The following PCDHA2 variants were observed in gnomAD, a reference collection of about 807,000 sequenced individuals.
PCDHA2 encodes protocadherin alpha-2.
In PCDHA2, 58 loss-of-function variants were observed where a neutral mutation model predicts 66.0. The ratio of observed to expected loss-of-function variants is 0.88; its 90% confidence interval spans 0.71 to 1.09. The LOEUF is 1.09. PCDHA2 is among the 50% of genes least tolerant of loss of function. The probability of loss-of-function intolerance (pLI) is 0.00; values close to 1 mark genes in which losing one functional copy is unlikely to be tolerated. For missense variants in PCDHA2, 1,267 were observed against 1,242.3 expected, an observed-to-expected ratio of 1.02 and a Z score of -0.30; for synonymous variants, 634 against 554.0, an observed-to-expected ratio of 1.14 and a Z score of -2.03.
chr5:140,950,110 C>A (rs542585854), intron 1 of PCDHA2, among the ~76,000 whole-genome samples: 23 of 151,848 alleles, frequency 1.5e-4, no homozygotes, highest in African/African-American at 5.5e-4. Context: ...AAATCTCATA[C>A]AATACAAAAC....
chr5:140,882,510 A>G (rs1276139359), intron 1 of PCDHA2: 1 of 1,614,046 alleles, frequency 6.2e-7, no homozygotes, highest in East Asian at 2.2e-5. Context: ...AATCTGCAGA[A>G]TGGCATTTTG....
At chr5:140,851,809 T>TA in intron 1 of PCDHA2, 1 of 948,344 alleles carries the variant, frequency 1.1e-6, no homozygotes, top group Non-Finnish European at 1.3e-6. Flanking sequence ...CAGTAATCCA[T>TA]AAGACAGAAA....
chr5:140,801,381 C>G (rs782738715), intron 1 of PCDHA2: 1 of 1,613,546 alleles, frequency 6.2e-7, no homozygotes, highest in South Asian at 1.1e-5. Context: ...GCTGGTGCCG[C>G]GCCTGTTCCG....
chr5:140,862,618 C>A (rs532330556), intron 1 of PCDHA2: 10 of 526,556 alleles, frequency 1.9e-5, no homozygotes, highest in South Asian at 1.3e-4. Flanking sequence ...AGGTAACAAC[C>A]CGCGGGGCTG....
Position 140,803,100 on chromosome 5 carries a change from C to G in PCDHA2, c.2388+5748C>G, listed in dbSNP as rs139788338. On this transcript the variant is annotated intron_variant, in intron 1 of 3. Transcript: ENST00000526136. ...GTACACGGGAGAGATCAGCACGACC[C>G]GTGCCCTGGACGAGGTGGACGCCCC... 714 of 1,613,874 alleles carry G rather than the reference C, an allele frequency of 4.4e-4. No homozygotes were observed. Among genetic ancestry groups the G allele is most frequent in the Non-Finnish European group, 5.8e-4 (686 of 1,179,944 alleles).
At chr5:141,006,077 T>C (rs1554260547) in intron 3 of PCDHA2, among the ~76,000 whole-genome samples, 1 of 150,908 alleles carries the variant, frequency 6.6e-6, no homozygotes, top group East Asian at 1.9e-4. Flanking sequence ...ATCAGATTAT[T>C]GAAGGGACTT....
At chr5:140,927,848 G>C (rs1295513512) in intron 1 of PCDHA2, 1 of 1,614,180 alleles carries the variant, frequency 6.2e-7, no homozygotes, top group African/African-American at 1.3e-5. Flanking sequence ...GGTGTCTTTG[G>C]TTTAGCTAGC....
intron 3 of PCDHA2, among the ~76,000 whole-genome samples, chr5:140,999,024 T>C (rs17119348): frequency 0.023 from 3,497 of 152,332 alleles, 138 homozygotes; most frequent in African/African-American, 0.08. Context: ...CCAAGACTTT[T>C]GATACTTCGT....
chr5:140,816,605 A>T (rs1765956061), intron 1 of PCDHA2: 1 of 151,984 alleles, frequency 6.6e-6, no homozygotes, highest in African/African-American at 2.4e-5. Context: ...TGATATCTAT[A>T]CATTTCAAAA....
chr5:140,986,634 A>C (rs1587175680), intron 3 of PCDHA2, among the ~76,000 whole-genome samples: 3 of 152,202 alleles, frequency 2.0e-5, no homozygotes, highest in South Asian at 2.1e-4. Flanking sequence ...GCAACAGTAC[A>C]TTAGTTTTAG....
At chr5:141,005,442 G>A (rs529691807) in intron 3 of PCDHA2, among the ~76,000 whole-genome samples, 39 of 152,092 alleles carry the variant, frequency 2.6e-4, no homozygotes, top group Middle Eastern at 3.4e-3. Context: ...AGAGGCTCAC[G>A]CCTGTAATCC....
intron 3 of PCDHA2, among the ~76,000 whole-genome samples, chr5:140,991,755 C>T (rs2153897425): frequency 6.6e-6 from 1 of 152,268 alleles, no homozygotes; most frequent in South Asian, 2.1e-4. Context: ...TTCTATCATG[C>T]TCTTCAAAAT....
intron 1 of PCDHA2, chr5:140,850,088 A>G (rs2150466412): frequency 3.0e-5 from 48 of 1,596,270 alleles, no homozygotes; most frequent in South Asian, 6.6e-5. Context: ...TGGAGCTGCT[A>G]CAGTTCCAGG....
At chr5:140,962,667 C>T (rs576054969) in intron 1 of PCDHA2, among the ~76,000 whole-genome samples, 1 of 152,272 alleles carries the variant, frequency 6.6e-6, no homozygotes, top group East Asian at 1.9e-4. Flanking sequence ...TTCATCTTCC[C>T]ATCCACTGGA....
intron 1 of PCDHA2, among the ~76,000 whole-genome samples, chr5:140,962,617 G>A (rs189225320): frequency 3.8e-4 from 58 of 152,276 alleles, no homozygotes; most frequent in Non-Finnish European, 1.9e-4. Context: ...GAGGAAGGGA[G>A]ATGTGAAAAA....
At chr5:140,850,464 C>A (rs2041620287) in intron 1 of PCDHA2, 1 of 1,597,872 alleles carries the variant, frequency 6.3e-7, no homozygotes, top group Non-Finnish European at 8.6e-7. Flanking sequence ...CCACGGGGAG[C>A]CAGCGCTGAC....
intron 1 of PCDHA2, among the ~76,000 whole-genome samples, chr5:140,961,208 A>T (rs1268712075): frequency 1.3e-5 from 2 of 152,164 alleles, no homozygotes; most frequent in African/African-American, 4.8e-5. Flanking sequence ...GTTGGTATTG[A>T]TGAAGAAACT....
Position 140,851,044 on chromosome 5 carries a change from G to A in PCDHA2, c.2388+53692G>A, listed in dbSNP as rs781824317. 121 of 1,389,526 alleles carry A rather than the reference G, an allele frequency of 8.7e-5. 9 individuals are homozygous for A. The highest frequency in any genetic ancestry group is 1.1e-4 in the Non-Finnish European group (114 of 1,060,604). 86.1% of individuals were successfully genotyped at this position (1,389,526 alleles called of 1,614,324 possible). On this transcript the variant is annotated intron_variant, in intron 1 of 3. Transcript: ENST00000526136. ...AAGTAAACCCCTTAACATTGGAGCC[G>A]ACTTTGTCTTGACTTCTAGTGAGAA... is the stretch of plus-strand genomic sequence containing the variant.
At chr5:140,827,662 C>T (rs183255213) in intron 1 of PCDHA2, among the ~76,000 whole-genome samples, 59 of 152,266 alleles carry the variant, frequency 3.9e-4, no homozygotes, top group Admixed American at 2.4e-3. Flanking sequence ...AAAGCAGTTC[C>T]GTTAACACTT....
Sources: allele counts gnomAD v4.1 joint callset (sites outside exome capture counted in the v4.1 genomes callset), GRCh38; gene constraint gnomAD v4.1.1; transcripts MANE v1.5; gene names NCBI Gene and HGNC (gene_info 2026-07-23, HGNC 2026-07-21).